The following ZC4H2 variants were observed in gnomAD, a reference collection of about 807,000 sequenced individuals.
The protein encoded by ZC4H2 is zinc finger C4H2-type containing.
For missense variants in ZC4H2, 137 were observed against 173.9 expected, an observed-to-expected ratio of 0.79 and a Z score of 1.19; for synonymous variants, 84 against 66.3, an observed-to-expected ratio of 1.27 and a Z score of -1.30.
rs750909740 is a variant in ZC4H2 at position 64,976,403 on chromosome X, C to T, written c.-26G>A. ...ACTTTTCACTGTCAATTTCACGTCC[C>T]GAGAGATGTACAAATACACCAGCCA... On this transcript the variant is annotated 5_prime_UTR_variant, in exon 1 of 5. Coordinates refer to ENST00000374839, the MANE Select transcript of ZC4H2 (RefSeq NM_018684.4). The T allele has an allele frequency of 8.3e-7, 1 of 1,202,432 alleles. No homozygotes were observed.
chrX:64,922,126 G>A, intron 1 of ZC4H2, 138 bp from the exon 2 acceptor site: 2 of 1,093,853 alleles, frequency 1.8e-6, no homozygotes, highest in African/African-American at 1.9e-5. Context: ...TCTCAAAAAA[G>A]AAGGCCAGGT....
chrX:64,981,403 A>C (rs976675458), upstream of ZC4H2, among the ~76,000 whole-genome samples: 2 of 111,404 alleles, frequency 1.8e-5, no homozygotes, highest in African/African-American at 6.5e-5. Context: ...GAAAGAAATT[A>C]TGGTGGCTTG....
chrX:64,941,154 C>G (rs1930263566), intron 1 of ZC4H2, among the ~76,000 whole-genome samples: 1 of 111,587 alleles, frequency 9.0e-6, no homozygotes, highest in African/African-American at 3.3e-5. Context: ...CTCTTAATAG[C>G]AATTGTGAAT....
At chrX:65,012,115 C>T (rs1290638758) in intron 1 of ZC4H2, among the ~76,000 whole-genome samples, 4 of 103,912 alleles carry the variant, frequency 3.8e-5, no homozygotes, top group Non-Finnish European at 7.8e-5. Flanking sequence ...GTAATCCTAG[C>T]GACTTGGGAG....
chrX:64,953,026 C>A (rs779562690), intron 1 of ZC4H2, among the ~76,000 whole-genome samples: 3 of 111,820 alleles, frequency 2.7e-5, no homozygotes, highest in Non-Finnish European at 5.6e-5. Flanking sequence ...CACATATCTA[C>A]AACTATCTGA....
chrX:64,963,241 T>C (rs1417306535), intron 1 of ZC4H2, among the ~76,000 whole-genome samples: 1 of 111,811 alleles, frequency 8.9e-6, no homozygotes, highest in Non-Finnish European at 1.9e-5. Context: ...TGCAAACGTA[T>C]AACATTGGAC....
chrX:64,925,467 T>C (rs894659720), intron 1 of ZC4H2, among the ~76,000 whole-genome samples: 1 of 112,069 alleles, frequency 8.9e-6, no homozygotes, highest in African/African-American at 3.2e-5. Context: ...AATAACAGCA[T>C]TTTATGAAGC....
chrX:64,989,562 A>T (rs1372458771), intron 1 of ZC4H2, among the ~76,000 whole-genome samples: 1 of 112,168 alleles, frequency 8.9e-6, no homozygotes, highest in Non-Finnish European at 1.9e-5. Context: ...TCAAAATTGA[A>T]ATTTTTTTCT....
intron 1 of ZC4H2, chrX:65,034,552 T>C (rs1363181538): frequency 8.9e-6 from 1 of 112,459 alleles, no homozygotes; most frequent in East Asian, 2.8e-4. Context: ...GTCGAGGGGC[T>C]GGGAGACGGT....
chrX:64,939,013 T>C (rs1287461068), intron 1 of ZC4H2, among the ~76,000 whole-genome samples: 2 of 112,153 alleles, frequency 1.8e-5, no homozygotes, highest in African/African-American at 3.2e-5. Context: ...TATTTGCAGA[T>C]GACATGATCA....
intron 1 of ZC4H2, among the ~76,000 whole-genome samples, chrX:64,928,940 G>T (rs1284676476): frequency 9.9e-6 from 1 of 101,369 alleles, no homozygotes; most frequent in East Asian, 3.1e-4. Flanking sequence ...CCAGGCTGAG[G>T]TACAGTGACA....
chrX:64,989,784 G>A (rs924350413), intron 1 of ZC4H2, among the ~76,000 whole-genome samples: 2 of 111,868 alleles, frequency 1.8e-5, no homozygotes, highest in East Asian at 2.8e-4. Context: ...TTTCTTCAAC[G>A]TCATTAGCCA....
At chrX:64,932,218 A>G (rs933664604) in intron 1 of ZC4H2, among the ~76,000 whole-genome samples, 1 of 110,325 alleles carries the variant, frequency 9.1e-6, no homozygotes, top group African/African-American at 3.3e-5. Flanking sequence ...AATATTTTTT[A>G]CCACCCCTTT....
intron 1 of ZC4H2, among the ~76,000 whole-genome samples, chrX:64,974,191 A>G (rs189497491): frequency 9.0e-6 from 1 of 111,690 alleles, no homozygotes; most frequent in African/African-American, 3.3e-5. Flanking sequence ...TTACTGTTGA[A>G]CCTATCCATT....
chrX:65,002,355 G>C (rs1932555667), intron 1 of ZC4H2, among the ~76,000 whole-genome samples: 1 of 105,779 alleles, frequency 9.5e-6, no homozygotes, highest in Non-Finnish European at 2.0e-5. Flanking sequence ...GGAGGCAGGG[G>C]GTCAGCCCCC....
At chrX:64,963,212 G>A (rs1931464849) in intron 1 of ZC4H2, among the ~76,000 whole-genome samples, 2 of 111,481 alleles carry the variant, frequency 1.8e-5, no homozygotes, top group Non-Finnish European at 3.8e-5. Flanking sequence ...TAAATGCTAT[G>A]GGAAAAACTA....
At chrX:64,972,742 T>C (rs771132971) in intron 1 of ZC4H2, among the ~76,000 whole-genome samples, 2 of 111,838 alleles carry the variant, frequency 1.8e-5, no homozygotes, top group Non-Finnish European at 3.8e-5. Flanking sequence ...AAAGAGTAAA[T>C]GAGCCAGGAG....
chrX:64,942,330 A>C (rs1171874295), intron 1 of ZC4H2, among the ~76,000 whole-genome samples: 1 of 110,773 alleles, frequency 9.0e-6, no homozygotes, highest in East Asian at 2.8e-4. Flanking sequence ...AATCTTTCCC[A>C]AAACCAGCTC....
intron 1 of ZC4H2, among the ~76,000 whole-genome samples, chrX:64,986,966 C>T (rs1258738839): frequency 8.6e-5 from 8 of 93,260 alleles, no homozygotes; most frequent in Non-Finnish European, 1.4e-4. Flanking sequence ...CTCACTCTGT[C>T]GCCCAGGCTG....
Sources: gnomAD v4.1 joint callset for allele counts (sites outside exome capture counted in the v4.1 genomes callset) on GRCh38, gnomAD v4.1.1 for gene constraint, MANE v1.5 for transcripts, NCBI Gene and HGNC (gene_info 2026-07-23, HGNC 2026-07-21) for gene names.